RBFOX3: variants seen among roughly 807,000 people sequenced by gnomAD.
RBFOX3 encodes RNA binding protein fox-1 homolog 3.
A neutral mutation model predicts 48.7 loss-of-function variants in RBFOX3; 17 were observed. The observed-to-expected ratio is 0.35, with a 90% confidence interval of 0.24 to 0.52. The LOEUF (loss-of-function observed/expected upper bound fraction) is 0.52. RBFOX3 is among the 20% of genes least tolerant of loss of function. The probability of loss-of-function intolerance (pLI) is 0.94; values close to 1 mark genes in which losing one functional copy is unlikely to be tolerated. For missense variants in RBFOX3, 382 were observed against 497.5 expected, an observed-to-expected ratio of 0.77 and a Z score of 2.21; for synonymous variants, 212 against 209.5, an observed-to-expected ratio of 1.01 and a Z score of -0.10.
At chr17:79,605,292 G>A (rs1026661175) in intron 1 of RBFOX3, among the ~76,000 whole-genome samples, 39 of 152,172 alleles carry the variant, frequency 2.6e-4, no homozygotes, top group Non-Finnish European at 2.5e-4. Flanking sequence ...ATCTCAACTG[G>A]GCCCCCAAAC....
chr17:79,593,275 ACTAAGT>A (rs2093474490), intron 1 of RBFOX3, among the ~76,000 whole-genome samples: 1 of 151,770 alleles, frequency 6.6e-6, no homozygotes, highest in African/African-American at 2.4e-5. Context: ...TTTTTTGTAA[ACTAAGT>A]CTGTTTCTGG....
At chr17:79,113,608 T>C (rs1195648831) in intron 5 of RBFOX3, among the ~76,000 whole-genome samples, 1 of 152,130 alleles carries the variant, frequency 6.6e-6, no homozygotes, top group African/African-American at 2.4e-5. Context: ...AACTGGGTGG[T>C]GAGACTCCCA....
chr17:79,191,431 G>A (rs560175238), intron 4 of RBFOX3, among the ~76,000 whole-genome samples: 57 of 152,336 alleles, frequency 3.7e-4, no homozygotes, highest in Admixed American at 3.7e-3. Flanking sequence ...TGTGAGGGGC[G>A]GGCACTCTGT....
chr17:79,305,784 G>T lies in RBFOX3; in HGVS notation c.-74+1940C>A, dbSNP rs548216177. On this transcript the variant is annotated intron_variant, in intron 3 of 14. Transcript: ENST00000693108. The stretch of plus-strand genomic sequence containing the variant: ...ATTGCATTGAGTGAAACTTAAAAAG[G>T]ACTTTCCGTTTGCTCAGGCTGAATT... 3.3e-4 allele frequency among the ~76,000 whole-genome samples: 50 copies of T among 152,354 alleles called. 1 individual carries two copies. The South Asian group carries it at 9.5e-3, about 29-fold the overall frequency.
intron 4 of RBFOX3, among the ~76,000 whole-genome samples, chr17:79,182,568 T>C (rs1377393777): frequency 6.7e-6 from 1 of 148,300 alleles, no homozygotes; most frequent in Non-Finnish European, 1.5e-5. Flanking sequence ...GGCAGGCGGC[T>C]GCTGATGCTC....
chr17:79,130,147 T>C (rs1427479495), intron 4 of RBFOX3, among the ~76,000 whole-genome samples: 1 of 152,336 alleles, frequency 6.6e-6, no homozygotes, highest in East Asian at 1.9e-4. Context: ...TAATATCTTT[T>C]ATTAATTAGG....
Position 79,364,646 on chromosome 17 carries a change from C to T in RBFOX3, c.-174-56822G>A, listed in dbSNP as rs553218443. On this transcript the variant is annotated intron_variant, in intron 2 of 14. Coordinates refer to ENST00000693108, the MANE Select transcript of RBFOX3 (RefSeq NM_001350451.2). The surrounding 1 kb of genome is among the most constrained non-coding windows in gnomAD (Gnocchi z 5.1). The stretch of plus-strand genomic sequence containing the variant: ...GTGGGTGACGGGGAGCGGGCGTGAG[C>T]AGGTCGGATAGCCTGCTGTTTGCTT... 2.0e-5 allele frequency among the ~76,000 whole-genome samples: 3 copies of T among 152,272 alleles called. No individual in the cohort carries two copies. The East Asian group carries it at 5.8e-4, about 29-fold the overall frequency.
chr17:79,424,802 G>A (rs1446817520), intron 2 of RBFOX3, among the ~76,000 whole-genome samples: 1 of 152,118 alleles, frequency 6.6e-6, no homozygotes, highest in African/African-American at 2.4e-5. Flanking sequence ...GGCCTGCCTG[G>A]ACGGATGCTG....
chr17:79,224,475 G>A (rs2060092082), intron 4 of RBFOX3, among the ~76,000 whole-genome samples: 1 of 152,182 alleles, frequency 6.6e-6, no homozygotes, highest in African/African-American at 2.4e-5. Context: ...CCTTTAGGGT[G>A]CATTTGGGTC....
At chr17:79,635,759 A>T in the RBFOX3 span, among the ~76,000 whole-genome samples, 8 of 152,358 alleles carry the variant, frequency 5.3e-5, no homozygotes, top group East Asian at 1.5e-3. Context: ...AAGCATGAAC[A>T]ACGAGTGGGA....
intron 3 of RBFOX3, among the ~76,000 whole-genome samples, chr17:79,257,368 G>A (rs1248801851): frequency 2.0e-5 from 3 of 152,204 alleles, no homozygotes; most frequent in Non-Finnish European, 4.4e-5. Context: ...TGTTCCAATA[G>A]CTTCCCCAGA....
chr17:79,509,235 G>T (rs1184274204), intron 1 of RBFOX3, among the ~76,000 whole-genome samples: 1 of 152,188 alleles, frequency 6.6e-6, no homozygotes, highest in Non-Finnish European at 1.5e-5. Flanking sequence ...CCCCAAGGCG[G>T]CCTGGTCGAT....
intron 2 of RBFOX3, among the ~76,000 whole-genome samples, chr17:79,371,470 C>G (rs2058533346): frequency 6.6e-6 from 1 of 152,182 alleles, no homozygotes; most frequent in African/African-American, 2.4e-5. Context: ...GCCCTTGTTG[C>G]TGGGCTCCAT....
At chr17:79,113,093 C>T (rs1417360973) in intron 5 of RBFOX3, among the ~76,000 whole-genome samples, 1 of 152,104 alleles carries the variant, frequency 6.6e-6, no homozygotes, top group Non-Finnish European at 1.5e-5. Context: ...CAATACCAGG[C>T]TGCTTGGGGC....
At chr17:79,594,236 G>A (rs2093504748) in intron 1 of RBFOX3, among the ~76,000 whole-genome samples, 1 of 152,014 alleles carries the variant, frequency 6.6e-6, no homozygotes, top group Non-Finnish European at 1.5e-5. Context: ...TAAAACCCTT[G>A]GAAACTTTCG....
chr17:79,112,319 G>A (rs2031997535), intron 5 of RBFOX3, among the ~76,000 whole-genome samples: 1 of 152,206 alleles, frequency 6.6e-6, no homozygotes, highest in South Asian at 2.1e-4. Context: ...TCTGTGACTA[G>A]GGGTTGAGGG....
chr17:79,625,885 G>A, the RBFOX3 span, among the ~76,000 whole-genome samples: 12 of 152,232 alleles, frequency 7.9e-5, no homozygotes, highest in African/African-American at 1.4e-4. Context: ...GGCTGCGGCC[G>A]CTAGGGCATG....
chr17:79,250,932 C>T (rs2063850949), intron 3 of RBFOX3, among the ~76,000 whole-genome samples: 2 of 151,986 alleles, frequency 1.3e-5, no homozygotes, highest in South Asian at 4.2e-4. Flanking sequence ...CCTCAGCCTC[C>T]TGAGTAGCTG....
At chr17:79,215,319 AAG>A (rs1297172442) in intron 4 of RBFOX3, among the ~76,000 whole-genome samples, 1 of 152,174 alleles carries the variant, frequency 6.6e-6, no homozygotes, top group African/African-American at 2.4e-5. Flanking sequence ...CCGTCAACCA[AAG>A]AGTCACACTG....
Sources: gnomAD v4.1 joint callset for allele counts (sites outside exome capture counted in the v4.1 genomes callset) on GRCh38, gnomAD v4.1.1 for gene constraint, Gnocchi (gnomAD v3.1) non-coding constraint, MANE v1.5 for transcripts, NCBI Gene and HGNC (gene_info 2026-07-23, HGNC 2026-07-21) for gene names.